EYS: variants seen among roughly 807,000 people sequenced by gnomAD.
EYS encodes the protein EGF-like photoreceptor maintenance factor.
A neutral mutation model predicts 282.1 loss-of-function variants in EYS; 250 were observed. That is an observed-to-expected ratio of 0.89 (90% CI 0.80 to 0.98). The LOEUF is 0.98. EYS is among the 50% of genes least tolerant of loss of function. The pLI, the probability that EYS is intolerant of heterozygous loss-of-function variation, is 0.00. For synonymous variants in EYS, 1,355 were observed against 1,282.9 expected, an observed-to-expected ratio of 1.06 and a Z score of -1.20; for missense variants, 4,016 against 3,709.0, an observed-to-expected ratio of 1.08 and a Z score of -2.15.
chr6:64,309,695 G>C (rs535495170), intron 29 of EYS, among the ~76,000 whole-genome samples: 4 of 152,010 alleles, frequency 2.6e-5, no homozygotes, highest in African/African-American at 9.7e-5. Flanking sequence ...AGCCAGGCAC[G>C]GTAGCTCATG....
chr6:64,432,996 C>A (rs989902997), intron 28 of EYS, among the ~76,000 whole-genome samples: 2 of 151,986 alleles, frequency 1.3e-5, no homozygotes, highest in African/African-American at 4.8e-5. Flanking sequence ...TCCATATTTT[C>A]CTTCCTGCTT....
rs987708498 is a variant in EYS, at chr6:64,440,210, GCTGT to G, written c.5645-862_5645-859del. Among the ~76,000 whole-genome samples, 10 of 151,936 alleles carry G rather than the reference GCTGT, an allele frequency of 6.6e-5. No homozygotes were observed. In the East Asian group the frequency reaches 1.9e-3, roughly 29 times the overall value. ...TATAAAACCATGTGAGTTTTAGTTT[GCTGT>G]CTATCACAGGATAATATTCATTTTC... On this transcript the variant is annotated intron_variant, in intron 26 of 42. Transcript: ENST00000503581.
At chr6:65,686,622 T>C (rs773481121) in intron 1 of EYS, among the ~76,000 whole-genome samples, 1 of 152,110 alleles carries the variant, frequency 6.6e-6, no homozygotes, top group Non-Finnish European at 1.5e-5. Context: ...AACTACAAAA[T>C]GAAAGATAAA....
At chr6:65,597,998 G>C (rs1449417170) in intron 2 of EYS, among the ~76,000 whole-genome samples, 1 of 152,010 alleles carries the variant, frequency 6.6e-6, no homozygotes, top group Non-Finnish European at 1.5e-5. Flanking sequence ...TGCTCAGGAA[G>C]CTGAGGTGGG....
At chr6:64,945,982 C>G (rs1356951822) in intron 14 of EYS, 68 bp from the exon 15 acceptor site, 3 of 1,208,516 alleles carry the variant, frequency 2.5e-6, no homozygotes, top group Non-Finnish European at 3.3e-6. Context: ...ACAGATATTA[C>G]TCCTGGCCAT....
chr6:65,440,839 AT>A (rs903802446), intron 5 of EYS, among the ~76,000 whole-genome samples: 39 of 144,700 alleles, frequency 2.7e-4, no homozygotes, highest in African/African-American at 6.7e-4. Context: ...TAGAAAAAAA[AT>A]ATGTGTATAT....
At chr6:63,795,434 CAA>C (rs1770621858) in intron 37 of EYS, among the ~76,000 whole-genome samples, 1 of 152,126 alleles carries the variant, frequency 6.6e-6, no homozygotes, top group Non-Finnish European at 1.5e-5. Flanking sequence ...GTAGTTGAGA[CAA>C]GAGTGTCAGG....
chr6:65,179,213 T>C (rs1009520485), intron 12 of EYS, among the ~76,000 whole-genome samples: 3 of 150,888 alleles, frequency 2.0e-5, no homozygotes, highest in South Asian at 2.1e-4. Flanking sequence ...ACTAAGATCA[T>C]AGCAGAACTG....
chr6:65,265,480 T>C (rs1767729285), intron 12 of EYS, among the ~76,000 whole-genome samples: 1 of 152,014 alleles, frequency 6.6e-6, no homozygotes, highest in South Asian at 2.1e-4. Flanking sequence ...GTTTGCTGAC[T>C]GGACCTGGAA....
intron 1 of EYS, among the ~76,000 whole-genome samples, chr6:65,669,548 T>C (rs958567738): frequency 6.6e-6 from 1 of 152,014 alleles, no homozygotes; most frequent in African/African-American, 2.4e-5. Flanking sequence ...TGTCCCTCAC[T>C]GGTTGCTCTG....
chr6:65,523,622 A>T (rs1767451444), intron 2 of EYS, among the ~76,000 whole-genome samples: 1 of 152,198 alleles, frequency 6.6e-6, no homozygotes, highest in African/African-American at 2.4e-5. Context: ...TCATTTCACT[A>T]TGTATATGTC....
chr6:64,787,001 G>T (rs537354863), intron 22 of EYS, among the ~76,000 whole-genome samples: 1 of 152,228 alleles, frequency 6.6e-6, no homozygotes, highest in East Asian at 1.9e-4. Flanking sequence ...TTTTCTAGAG[G>T]TCAGTAGAGT....
rs1039479849 is a variant in EYS, at chr6:64,962,160, G to A, written c.2260-16246C>T. ...GTTGCTATTCTTCTCAGTATTTCTC[G>A]GTTAGCACACTTGCTTTCTAGCCAT... On this transcript the variant is annotated intron_variant, in intron 14 of 42. Coordinates refer to ENST00000503581, the MANE Select transcript of EYS (RefSeq NM_001142800.2). Among the ~76,000 whole-genome samples, 15 of 151,838 alleles carry A rather than the reference G, an allele frequency of 9.9e-5. No homozygotes were observed. The South Asian group carries it at 1.9e-3, about 19-fold the overall frequency.
At chr6:64,277,163 A>G (rs1373920784) in intron 30 of EYS, among the ~76,000 whole-genome samples, 1 of 152,170 alleles carries the variant, frequency 6.6e-6, no homozygotes, top group African/African-American at 2.4e-5. Flanking sequence ...CACGTATTGA[A>G]CAAAACACAA....
rs1166546571 is a variant in EYS at position 64,802,673 on chromosome 6, T to A, written c.3443+10705A>T. ...TGCAGATAAGTTATTTTTAACATCA[T>A]CCCTTCTCTGTTATTCTCCATTAAT... is the stretch of plus-strand genomic sequence containing the variant. On this transcript the variant is annotated intron_variant, in intron 22 of 42. Transcript: ENST00000503581. Among the ~76,000 whole-genome samples, 6 of 152,214 alleles carry A rather than the reference T, an allele frequency of 3.9e-5. No individual in the cohort carries two copies. In the East Asian group the frequency reaches 1.2e-3, roughly 29 times the overall value.
At chr6:64,676,867 T>C (rs1769706857) in intron 22 of EYS, among the ~76,000 whole-genome samples, 1 of 152,102 alleles carries the variant, frequency 6.6e-6, no homozygotes, top group African/African-American at 2.4e-5. Context: ...GACCTAATCA[T>C]CTCCGAAAGG....
At chr6:65,397,623 T>C (rs1042720036) in intron 7 of EYS, among the ~76,000 whole-genome samples, 4 of 149,046 alleles carry the variant, frequency 2.7e-5, no homozygotes, top group Non-Finnish European at 3.0e-5. Context: ...TGTGTGTGTG[T>C]GTGTGTGTAT....
intron 14 of EYS, among the ~76,000 whole-genome samples, chr6:64,968,830 A>ACCTTTG (rs11281202): frequency 0.35 from 53,230 of 151,574 alleles, 11,394 homozygotes; most frequent in Admixed American, 0.49. Context: ...TTTGCCTAGG[A>ACCTTTG]CCTGTCCTTA....
chr6:65,070,305 A>G (rs1371090156), intron 12 of EYS, among the ~76,000 whole-genome samples: 3 of 151,868 alleles, frequency 2.0e-5, no homozygotes, highest in African/African-American at 7.2e-5. Context: ...ATATGTCTCA[A>G]ATCCTCTTAA....
Sources: allele counts gnomAD v4.1 joint callset (sites outside exome capture counted in the v4.1 genomes callset), GRCh38; gene constraint gnomAD v4.1.1; transcripts MANE v1.5; gene names NCBI Gene and HGNC (gene_info 2026-07-23, HGNC 2026-07-21).